Variants in FAM193A observed in about 807,000 individuals in gnomAD.
The protein encoded by FAM193A is family with sequence similarity 193 member A, also known as protein FAM193A.
A neutral mutation model predicts 126.5 loss-of-function variants in FAM193A; 22 were observed. The observed-to-expected ratio is 0.17, with a 90% CI of 0.12 to 0.25. The LOEUF is 0.25. Among genes scored for constraint, FAM193A ranks in the 10% least tolerant of loss-of-function variants. The probability of loss-of-function intolerance (pLI) is 1.00; values close to 1 mark genes in which losing one functional copy is unlikely to be tolerated. For missense variants in FAM193A, 1,675 were observed against 1,672.8 expected (o/e 1.00, Z -0.02); for synonymous variants, 761 against 646.8 (o/e 1.18, Z -2.68).
At chr4:2,647,523 G>A (rs1408824286) in intron 7 of FAM193A, among the ~76,000 whole-genome samples, 1 of 152,158 alleles carries the variant, frequency 6.6e-6, no homozygotes, top group Non-Finnish European at 1.5e-5. Context: ...ATCTGTCCTA[G>A]TCTAGAAGGG....
chr4:2,693,992 C>G (rs778890211), intron 16 of FAM193A, 118 bp downstream of exon 16: 2 of 1,089,638 alleles, frequency 1.8e-6, no homozygotes, highest in Admixed American at 2.4e-5. Flanking sequence ...AGTGAAATGC[C>G]GAGGGAATGC....
chr4:2,631,973 T>G (rs1272359748), intron 5 of FAM193A, among the ~76,000 whole-genome samples: 1 of 152,114 alleles, frequency 6.6e-6, no homozygotes, highest in Non-Finnish European at 1.5e-5. Flanking sequence ...TACTTAACTG[T>G]ATTTGGGTGC....
rs1717538539 is a variant in FAM193A, at chr4:2,700,103, AAGG to A, written c.3935_3937del (p.Glu1312del). ...CAGAGACTCCAAATTTCTCCTCCCC[AAGG>A]AGGTGAATGGGAAGCAGCATGAGCC... On this transcript the variant is annotated inframe_deletion, in exon 19 of 21. Transcript: ENST00000637812. 1 of 1,613,424 alleles carries A rather than the reference AAGG, an allele frequency of 6.2e-7. No homozygotes were observed. Among genetic ancestry groups the A allele is most frequent in the African/African-American group, 1.3e-5 (1 of 74,748 alleles).
At chr4:2,691,254 C>T (rs1023793738) in intron 15 of FAM193A, among the ~76,000 whole-genome samples, 2 of 152,160 alleles carry the variant, frequency 1.3e-5, no homozygotes, top group African/African-American at 4.8e-5. Context: ...CACTCTTGTT[C>T]GCCCAGGCTG....
intron 2 of FAM193A, among the ~76,000 whole-genome samples, chr4:2,617,624 T>A (rs1215339616): frequency 4.6e-5 from 7 of 152,026 alleles, no homozygotes; most frequent in Admixed American, 4.6e-4. Context: ...GTATTTCTTT[T>A]TCTTTGTTTT....
At chr4:2,601,302 A>G (rs1254654964) in intron 2 of FAM193A, among the ~76,000 whole-genome samples, 1 of 136,056 alleles carries the variant, frequency 7.3e-6, no homozygotes, top group Non-Finnish European at 1.5e-5. Context: ...GTGCGATCTC[A>G]GCTTACTGCA....
Position 2,596,245 on chromosome 4 carries a change from G to T in FAM193A, c.417G>T (p.Val139=), listed in dbSNP as rs1278464024. 1.4e-6 allele frequency: 1 copy of T among 703,032 alleles called. No individual in the cohort carries two copies. The highest frequency in any genetic ancestry group is 2.7e-5 in the East Asian group (1 of 37,290). 43.5% of individuals were successfully genotyped at this position (703,032 alleles called of 1,614,324 possible). ...CCATGGCTCCCAAGGGCAACAGCGT[G>T]CTGCACCTGCCACTGTGGGTGTGCC... is the stretch of plus-strand genomic sequence containing the variant. ...ALSMAPKGNS[V]LHLPLWVCPD... Residue 139 remains valine, a synonymous_variant, in exon 2 of 21, where the codon GTG becomes GTT. Coordinates refer to ENST00000637812, the MANE Select transcript of FAM193A (RefSeq NM_001366318.2).
At chr4:2,649,973 C>G (rs1270224178) in intron 7 of FAM193A, among the ~76,000 whole-genome samples, 1 of 152,194 alleles carries the variant, frequency 6.6e-6, no homozygotes, top group Non-Finnish European at 1.5e-5. Flanking sequence ...CTATTGTGAA[C>G]TGCGTGTGCA....
intron 1 of FAM193A, among the ~76,000 whole-genome samples, chr4:2,576,053 TA>T (rs1275750290): frequency 6.6e-6 from 1 of 152,160 alleles, no homozygotes; most frequent in Non-Finnish European, 1.5e-5. Context: ...CTGAATGATT[TA>T]AGCAGTAATA....
intron 4 of FAM193A, among the ~76,000 whole-genome samples, chr4:2,627,385 A>AAACAGGTGGGTT (rs1560494614): frequency 4.4e-5 from 6 of 137,788 alleles, no homozygotes; most frequent in African/African-American, 7.4e-5. Flanking sequence ...GGTCTCTAAC[A>AAACAGGTGGGTT]TAATCCACCT....
chr4:2,545,139 T>C (rs1452895173), intron 1 of FAM193A, among the ~76,000 whole-genome samples: 1 of 152,076 alleles, frequency 6.6e-6, no homozygotes, highest in African/African-American at 2.4e-5. Context: ...ATTACAGGCA[T>C]GCGCCGCCAT....
At chr4:2,664,189 A>C (rs1471486473) in intron 12 of FAM193A, among the ~76,000 whole-genome samples, 1 of 152,232 alleles carries the variant, frequency 6.6e-6, no homozygotes, top group Non-Finnish European at 1.5e-5. Context: ...AACTTTGCCT[A>C]ACACAAAACT....
At position 2,597,582 on chromosome 4, in the gene FAM193A, C is replaced by T. The variant is rs190568790; in HGVS notation, c.501+1253C>T. 5.0e-4 allele frequency among the ~76,000 whole-genome samples: 76 copies of T among 152,196 alleles called. 1 individual carries two copies. In the East Asian group the frequency reaches 0.011, roughly 22 times the overall value. On this transcript the variant is annotated intron_variant, in intron 2 of 20. Transcript: ENST00000637812. ...GAGGAGGATCTCATTTCCCAGCCCC[C>T]GGCTTGTCTTGGTAATGGATAGTTT... is the stretch of plus-strand genomic sequence containing the variant.
chr4:2,605,337 T>G (rs376675102), intron 2 of FAM193A, among the ~76,000 whole-genome samples: 12 of 152,340 alleles, frequency 7.9e-5, no homozygotes, highest in African/African-American at 2.4e-4. Context: ...CCTAAGCATC[T>G]ACCCACAAAT....
chr4:2,552,523 G>T (rs1214317694), intron 1 of FAM193A, among the ~76,000 whole-genome samples: 1 of 151,894 alleles, frequency 6.6e-6, no homozygotes, highest in African/African-American at 2.4e-5. Context: ...ACAAATTTTG[G>T]TATGTTGAAC....
At chr4:2,650,836 G>A (rs111732006) in intron 7 of FAM193A, among the ~76,000 whole-genome samples, 6,544 of 152,226 alleles carry the variant, frequency 0.043, 480 homozygotes, top group African/African-American at 0.15. Context: ...ATGGATAGCC[G>A]CCCACGGTAC....
At chr4:2,699,544 A>C in intron 18 of FAM193A, 136 bp from the exon 19 acceptor site, 1 of 737,986 alleles carries the variant, frequency 1.4e-6, no homozygotes, top group Non-Finnish European at 2.1e-6. Context: ...GTGTGTGTTA[A>C]GTTTTGATTT....
At chr4:2,701,029 A>G (rs1717671718) in intron 19 of FAM193A, among the ~76,000 whole-genome samples, 2 of 151,246 alleles carry the variant, frequency 1.3e-5, no homozygotes, top group Admixed American at 6.7e-5. Flanking sequence ...GTTCCCCAAC[A>G]TCAGTATTTC....
chr4:2,567,785 T>C (rs547924332), intron 1 of FAM193A, among the ~76,000 whole-genome samples: 61 of 152,172 alleles, frequency 4.0e-4, no homozygotes, highest in African/African-American at 1.3e-3. Flanking sequence ...TCAGGATATG[T>C]GTGCTCAGGC....
Sources: gnomAD v4.1 joint callset for allele counts (sites outside exome capture counted in the v4.1 genomes callset) on GRCh38, gnomAD v4.1.1 for gene constraint, MANE v1.5 for transcripts, NCBI Gene and HGNC (gene_info 2026-07-23, HGNC 2026-07-21) for gene names.